The following DARS1 variants were observed in gnomAD, a reference collection of about 807,000 sequenced individuals.
DARS1 encodes aspartate--tRNA ligase, cytoplasmic.
A neutral mutation model predicts 68.8 loss-of-function variants in DARS1; 51 were observed. The observed-to-expected ratio is 0.74, with a 90% CI of 0.59 to 0.94. The LOEUF is 0.94. Ranked by LOEUF, DARS1 falls within the 40% of genes least tolerant of loss-of-function variation. The probability of loss-of-function intolerance (pLI) is 0.00; values close to 1 mark genes in which losing one functional copy is unlikely to be tolerated. For synonymous variants in DARS1, 203 were observed against 190.4 expected, an observed-to-expected ratio of 1.07 and a Z score of -0.55; for missense variants, 607 against 597.3, an observed-to-expected ratio of 1.02 and a Z score of -0.17.
intron 3 of DARS1, among the ~76,000 whole-genome samples, chr2:135,972,006 C>G (rs998448503): frequency 6.6e-6 from 1 of 151,888 alleles, no homozygotes; most frequent in Non-Finnish European, 1.5e-5. Context: ...AAATACTACT[C>G]AAAGTAATCT....
intron 1 of DARS1, among the ~76,000 whole-genome samples, chr2:135,983,936 A>T (rs1055033263): frequency 2.0e-5 from 3 of 152,194 alleles, no homozygotes; most frequent in Admixed American, 1.3e-4. Flanking sequence ...GAAACTGGAG[A>T]TGCTGGGTAT....
chr2:135,954,757 G>C (rs1329779612), intron 4 of DARS1, among the ~76,000 whole-genome samples: 1 of 152,090 alleles, frequency 6.6e-6, no homozygotes, highest in Non-Finnish European at 1.5e-5. Context: ...TAGGGGATGG[G>C]TTTTCCATGA....
chr2:135,932,608 T>G (rs892034743), intron 7 of DARS1, among the ~76,000 whole-genome samples, 175 bp downstream of exon 7: 1 of 152,194 alleles, frequency 6.6e-6, no homozygotes, highest in Non-Finnish European at 1.5e-5. Flanking sequence ...CCGCTCCTGT[T>G]GCCTGCAATT....
chr2:135,938,075 A>C (rs893112819), intron 5 of DARS1, among the ~76,000 whole-genome samples: 1 of 152,190 alleles, frequency 6.6e-6, no homozygotes, highest in African/African-American at 2.4e-5. Flanking sequence ...TAATATCCTG[A>C]AGAGTGTTTT....
chr2:135,928,511 A>AT lies in DARS1; in HGVS notation c.565-4014dup, dbSNP rs561279545. On this transcript the variant is annotated intron_variant, in intron 7 of 15. Coordinates refer to ENST00000264161, the MANE Select transcript of DARS1 (RefSeq NM_001349.4). ...AGGCACATGCCACCAAGCCTGGCTAATTTTTTTTGTATTTTTAGTAGAGAC... is the reference window on the plus strand; with the variant it reads ...AGGCACATGCCACCAAGCCTGGCTAATTTTTTTTTGTATTTTTAGTAGAGAC... Among the ~76,000 whole-genome samples the AT allele has an allele frequency of 4.6e-4, 69 of 149,686 alleles. No individual in the cohort carries two copies. The East Asian group carries it at 0.012, about 27-fold the overall frequency.
chr2:135,916,312 C>CA lies in DARS1; in HGVS notation c.1019dup (p.Leu340PhefsTer11). The CA allele has an allele frequency of 1.3e-6, 2 of 1,536,760 alleles. No individual in the cohort carries two copies. The highest frequency in any genetic ancestry group is 9.0e-7 in the Non-Finnish European group (1 of 1,109,482). ...AATATTCTAGTCTTAGAGTTGGCTCCAAAAATTTGAATGGCTCACATGGGA... is the reference window on the plus strand; with the variant it reads ...AATATTCTAGTCTTAGAGTTGGCTCCAAAAAATTTGAATGGCTCACATGGGA... On this transcript the variant is annotated frameshift_variant, in exon 11 of 16. Coordinates refer to ENST00000264161, the MANE Select transcript of DARS1 (RefSeq NM_001349.4). LOFTEE classifies it high-confidence loss of function.
chr2:135,949,724 T>C (rs1019731297), intron 4 of DARS1, among the ~76,000 whole-genome samples: 2 of 152,180 alleles, frequency 1.3e-5, no homozygotes, highest in Non-Finnish European at 2.9e-5. Context: ...ATTAAAATAA[T>C]GTGTGAAGAG....
chr2:135,978,142 C>CAAAAAAAAAAAAAAAAAAA (rs59505882), intron 3 of DARS1, among the ~76,000 whole-genome samples: 5 of 54,732 alleles, frequency 9.1e-5, no homozygotes, highest in Non-Finnish European at 1.1e-4. Flanking sequence ...GACTCTGTCT[C>CAAAAAAAAAAAAAAAAAAA]AAAAAAAAAA....
intron 10 of DARS1, among the ~76,000 whole-genome samples, chr2:135,917,415 AG>A (rs1192832485): frequency 4.6e-5 from 7 of 152,224 alleles, no homozygotes; most frequent in African/African-American, 1.7e-4. Context: ...TTCTATATAC[AG>A]AAAAAAGTAT....
intron 5 of DARS1, chr2:135,943,096 A>G (rs1681643434): frequency 1.1e-5 from 3 of 269,578 alleles, no homozygotes; most frequent in Non-Finnish European, 2.1e-5. Flanking sequence ...AGCCACAGAA[A>G]GAGATGTGCC....
At chr2:135,955,673 CTTTTTTTTTTTTTTT>C (rs75123258) in intron 4 of DARS1, among the ~76,000 whole-genome samples, 35 of 61,342 alleles carry the variant, frequency 5.7e-4, no homozygotes, top group South Asian at 2.5e-3. Flanking sequence ...AAATAAAAAT[CTTTTTTTTTTTTTTT>C]TTTTTTTTTT....
At chr2:135,958,668 T>C (rs571484180) in intron 4 of DARS1, among the ~76,000 whole-genome samples, 36 of 152,232 alleles carry the variant, frequency 2.4e-4, no homozygotes, top group African/African-American at 8.4e-4. Context: ...ACCTAAAAAC[T>C]CATCATTTTT....
chr2:135,945,894 T>G (rs1013492600), intron 4 of DARS1, among the ~76,000 whole-genome samples: 4 of 152,224 alleles, frequency 2.6e-5, no homozygotes, highest in Non-Finnish European at 5.9e-5. Context: ...TATTTCCCCT[T>G]ATTATATGCA....
Position 135,957,320 on chromosome 2 carries a change from TG to T in DARS1, c.320+4075del, listed in dbSNP as rs1681998789. Among the ~76,000 whole-genome samples, 3 of 151,824 alleles carry T rather than the reference TG, an allele frequency of 2.0e-5. No homozygotes were observed. In the South Asian group the frequency reaches 6.2e-4, roughly 32 times the overall value. On this transcript the variant is annotated intron_variant, in intron 4 of 15. Coordinates refer to ENST00000264161, the MANE Select transcript of DARS1 (RefSeq NM_001349.4). ...TTGGCTCACTGCAACCTTCGCCTCC[TG>T]GGTTCAACCGATTCTCCTGCCTCAG...
chr2:135,984,971 A>T (rs1026138554), intron 1 of DARS1, among the ~76,000 whole-genome samples: 1 of 152,370 alleles, frequency 6.6e-6, no homozygotes, highest in Non-Finnish European at 1.5e-5. Context: ...ATATTGGCAG[A>T]TGGTTTTGCT....
At chr2:135,965,392 AC>A (rs1682200924) in intron 3 of DARS1, among the ~76,000 whole-genome samples, 1 of 152,184 alleles carries the variant, frequency 6.6e-6, no homozygotes, top group Admixed American at 6.5e-5. Context: ...CAATAGATAA[AC>A]AGGCAATAGA....
At chr2:135,979,202 C>T in intron 3 of DARS1, 72 bp downstream of exon 3, 2 of 786,314 alleles carry the variant, frequency 2.5e-6, no homozygotes, top group East Asian at 4.9e-5. Flanking sequence ...TTACTTTGGT[C>T]TGTGAGGAAT....
At chr2:135,931,721 T>C (rs1165942729) in intron 7 of DARS1, among the ~76,000 whole-genome samples, 1 of 152,254 alleles carries the variant, frequency 6.6e-6, no homozygotes, top group African/African-American at 2.4e-5. Flanking sequence ...CAAAAGACAG[T>C]GTAAGAATCC....
intron 15 of DARS1, among the ~76,000 whole-genome samples, chr2:135,909,917 C>T (rs309166): frequency 0.25 from 37,531 of 152,016 alleles, 5,569 homozygotes; most frequent in Middle Eastern, 0.41. Flanking sequence ...CATTGGAGCA[C>T]TTCAGATTTC....
Sources: allele counts gnomAD v4.1 joint callset (sites outside exome capture counted in the v4.1 genomes callset), GRCh38; gene constraint gnomAD v4.1.1; transcripts MANE v1.5; gene names NCBI Gene and HGNC (gene_info 2026-07-23, HGNC 2026-07-21).